Variants in PRELID2 observed in about 807,000 individuals in gnomAD.
PRELID2 encodes the protein PRELI domain-containing protein 2.
Under a neutral mutation model 28.4 loss-of-function variants are expected in PRELID2, and 25 were observed. The observed-to-expected ratio is 0.88, with a 90% CI of 0.64 to 1.23. The LOEUF (loss-of-function observed/expected upper bound fraction) is 1.23. Ranked by LOEUF, PRELID2 falls within the 50% of genes most tolerant of loss-of-function variation. PRELID2 has a pLI of 0.00. For synonymous variants in PRELID2, 76 were observed against 71.6 expected, an observed-to-expected ratio of 1.06 and a Z score of -0.31; for missense variants, 201 against 214.4, an observed-to-expected ratio of 0.94 and a Z score of 0.39.
chr5:145,593,167 GT>G (rs1753255441), intron 1 of PRELID2, among the ~76,000 whole-genome samples: 1 of 152,076 alleles, frequency 6.6e-6, no homozygotes, highest in Non-Finnish European at 1.5e-5. Flanking sequence ...GATATATTTT[GT>G]TTCTTAAAAA....
chr5:145,779,146 A>T (rs898227994), intron 5 of PRELID2, among the ~76,000 whole-genome samples: 1 of 152,234 alleles, frequency 6.6e-6, no homozygotes, highest in Non-Finnish European at 1.5e-5. Context: ...AAATAATATT[A>T]TAATATGTTC....
chr5:145,233,567 T>C, the PRELID2 span, among the ~76,000 whole-genome samples: 1 of 152,116 alleles, frequency 6.6e-6, no homozygotes, highest in Non-Finnish European at 1.5e-5. Flanking sequence ...GAAAAGGTAA[T>C]CTACTCTCAT....
At chr5:145,725,099 T>C (rs2149720876) in intron 1 of PRELID2, among the ~76,000 whole-genome samples, 1 of 152,196 alleles carries the variant, frequency 6.6e-6, no homozygotes, top group South Asian at 2.1e-4. Context: ...CAAAGTAAAG[T>C]ACTTGAAATG....
chr5:145,329,343 A>G, the PRELID2 span, among the ~76,000 whole-genome samples: 41,396 of 151,912 alleles, frequency 0.27, 5,735 homozygotes, highest in South Asian at 0.35. Context: ...TAATGGGGAT[A>G]GCATTGAGCC....
At chr5:145,618,639 C>T (rs1171861358) in intron 1 of PRELID2, among the ~76,000 whole-genome samples, 3 of 152,154 alleles carry the variant, frequency 2.0e-5, no homozygotes, top group African/African-American at 7.2e-5. Context: ...ATTTAATGCT[C>T]TATTTTTGTG....
At chr5:145,527,570 A>G (rs1162562978) in intron 1 of PRELID2, among the ~76,000 whole-genome samples, 2 of 152,360 alleles carry the variant, frequency 1.3e-5, no homozygotes, top group East Asian at 1.9e-4. Context: ...GAAATTCTGA[A>G]TTTCTATACA....
chr5:145,583,818 T>C (rs1379380831), intron 1 of PRELID2, among the ~76,000 whole-genome samples: 1 of 152,176 alleles, frequency 6.6e-6, no homozygotes, highest in Non-Finnish European at 1.5e-5. Context: ...AAACATTCCA[T>C]ACTCATGGGT....
the PRELID2 span, among the ~76,000 whole-genome samples, chr5:145,406,582 T>C: frequency 2.6e-5 from 4 of 152,200 alleles, no homozygotes; most frequent in African/African-American, 9.6e-5. Context: ...ACAGAACTAA[T>C]GTGGAGCTCC....
the PRELID2 span, among the ~76,000 whole-genome samples, chr5:145,365,537 C>A: frequency 6.6e-6 from 1 of 151,860 alleles, no homozygotes; most frequent in African/African-American, 2.4e-5. Flanking sequence ...GAAAATTTAA[C>A]CTAATTTTGG....
the PRELID2 span, among the ~76,000 whole-genome samples, chr5:145,448,079 G>C: frequency 6.6e-6 from 1 of 152,064 alleles, no homozygotes; most frequent in African/African-American, 2.4e-5. Context: ...CTAGTTTACA[G>C]TCCCATCAAC....
At chr5:145,598,132 T>C (rs1753337105) in intron 1 of PRELID2, among the ~76,000 whole-genome samples, 1 of 152,106 alleles carries the variant, frequency 6.6e-6, no homozygotes, top group Non-Finnish European at 1.5e-5. Context: ...GCATATCAAA[T>C]AGAAAGAACT....
At chr5:145,654,859 C>T (rs1381611874) in intron 1 of PRELID2, among the ~76,000 whole-genome samples, 5 of 152,128 alleles carry the variant, frequency 3.3e-5, no homozygotes, top group South Asian at 4.1e-4. Context: ...TGCCCTCTCT[C>T]GCCACTCCTA....
intron 3 of PRELID2, among the ~76,000 whole-genome samples, chr5:145,818,629 C>G (rs952543036): frequency 1.5e-4 from 23 of 152,246 alleles, no homozygotes; most frequent in African/African-American, 5.5e-4. Flanking sequence ...AGGGTACACA[C>G]TCTGGAAAAA....
intron 1 of PRELID2, among the ~76,000 whole-genome samples, chr5:145,531,178 A>C (rs1752652232): frequency 1.3e-5 from 2 of 152,142 alleles, no homozygotes; most frequent in Non-Finnish European, 2.9e-5. Context: ...AATACAATAC[A>C]TGCAGCCCGT....
At chr5:145,282,579 G>A in the PRELID2 span, among the ~76,000 whole-genome samples, 1 of 151,416 alleles carries the variant, frequency 6.6e-6, no homozygotes, top group African/African-American at 2.4e-5. Context: ...GAGTACAGTG[G>A]CATGATCTCG....
chr5:145,384,681 C>CT, the PRELID2 span, among the ~76,000 whole-genome samples: 8 of 152,140 alleles, frequency 5.3e-5, 1 homozygote, highest in Admixed American at 5.2e-4. Flanking sequence ...GAAAGCATAG[C>CT]TCCAGCATCA....
At chr5:145,334,563 A>T in the PRELID2 span, among the ~76,000 whole-genome samples, 1 of 152,184 alleles carries the variant, frequency 6.6e-6, no homozygotes, top group Non-Finnish European at 1.5e-5. Flanking sequence ...GTATGACTAT[A>T]TACTTGTATC....
intron 5 of PRELID2, among the ~76,000 whole-genome samples, chr5:145,771,551 G>A (rs1328483583): frequency 1.3e-5 from 2 of 151,484 alleles, no homozygotes; most frequent in Non-Finnish European, 2.9e-5. Flanking sequence ...GGAGAAGGAG[G>A]CTTAAGAAAA....
chr5:145,297,111 G>A, the PRELID2 span, among the ~76,000 whole-genome samples: 1 of 151,962 alleles, frequency 6.6e-6, no homozygotes, highest in Admixed American at 6.6e-5. Context: ...CAGATGAGTA[G>A]GTTGCGAAAA....
Sources: gnomAD v4.1 joint callset for allele counts (sites outside exome capture counted in the v4.1 genomes callset) on GRCh38, gnomAD v4.1.1 for gene constraint, MANE v1.5 for transcripts, NCBI Gene and HGNC (gene_info 2026-07-23, HGNC 2026-07-21) for gene names.